Variants in AVL9 observed in about 807,000 individuals in gnomAD.
AVL9 encodes the protein late secretory pathway protein AVL9 homolog.
A neutral mutation model predicts 79.2 loss-of-function variants in AVL9; 49 were observed. That is an observed-to-expected ratio of 0.62 (90% CI 0.49 to 0.79). AVL9 has a LOEUF of 0.79. Ranked by LOEUF, AVL9 falls within the 30% of genes least tolerant of loss-of-function variation. The probability of loss-of-function intolerance (pLI) is 0.00; values close to 1 mark genes in which losing one functional copy is unlikely to be tolerated. For missense variants in AVL9, 682 were observed against 776.8 expected (o/e 0.88, Z 1.45); for synonymous variants, 299 against 280.6 (o/e 1.07, Z -0.65).
At chr7:32,551,824 A>G (rs923430013) in intron 5 of AVL9, among the ~76,000 whole-genome samples, 1 of 152,044 alleles carries the variant, frequency 6.6e-6, no homozygotes, top group African/African-American at 2.4e-5. Flanking sequence ...TTGAAAATGG[A>G]CAGCATGTTT....
chr7:32,570,218 A>C, intron 11 of AVL9, 64 bp downstream of exon 11: 1 of 1,583,458 alleles, frequency 6.3e-7, no homozygotes, highest in Non-Finnish European at 8.7e-7. Context: ...TCTTAACTAC[A>C]ATTATGAATA....
chr7:32,562,813 T>G (rs1410795169), intron 10 of AVL9: 1 of 158,790 alleles, frequency 6.3e-6, no homozygotes, highest in Non-Finnish European at 1.4e-5. Flanking sequence ...TCACCGCTAC[T>G]TGGGAGGCTG....
Position 32,548,151 on chromosome 7 carries a change from C to CTTTTGTTTTCTTTTTGT in AVL9, c.301-692_301-691insGTTTTCTTTTTGTTTTT, listed in dbSNP as rs71559236. 2.3e-5 allele frequency among the ~76,000 whole-genome samples: 3 copies of CTTTTGTTTTCTTTTTGT among 131,596 alleles called. 1 individual carries two copies. The highest frequency in any genetic ancestry group is 3.1e-5 in the African/African-American group (1 of 32,614). 86.3% of individuals were successfully genotyped at this position (131,596 alleles called of 152,430 possible). A position where few individuals can be genotyped will look rare whatever the true frequency, so the allele number is the denominator to read the frequency against. ...TGTCTGTTTTTGTCATCTCTTTTTT[C>CTTTTGTTTTCTTTTTGT]TTTTTTTTTTTTTTGAGACGGAGTC... On this transcript the variant is annotated intron_variant, in intron 3 of 15. Coordinates refer to ENST00000318709, the MANE Select transcript of AVL9 (RefSeq NM_015060.3).
Position 32,570,145 on chromosome 7 carries a change from C to T in AVL9, c.1341C>T (p.Ala447=). The T allele has an allele frequency of 6.2e-7, 1 of 1,614,158 alleles. No homozygotes were observed. The change falls in exon 11 of 16, where the codon GCC becomes GCT. Residue 447 remains alanine, a synonymous_variant. Transcript: ENST00000318709. ...GACAACAGAAACACCTCAGTGATGC[C>T]ATTGTGGAAGTACGTTTATGTGTGA... is the stretch of plus-strand genomic sequence containing the variant. ...LFRQQKHLSD[A]IVEVEEALIQ...
At chr7:32,576,174 A>G (rs1353316057) in intron 13 of AVL9, 102 bp downstream of exon 13, 1 of 808,938 alleles carries the variant, frequency 1.2e-6, no homozygotes, top group Non-Finnish European at 2.0e-6. Flanking sequence ...GAATATCCTC[A>G]AGAATCCCCT....
At chr7:32,508,335 G>A (rs1787503843) in intron 1 of AVL9, among the ~76,000 whole-genome samples, 1 of 152,092 alleles carries the variant, frequency 6.6e-6, no homozygotes, top group African/African-American at 2.4e-5. Flanking sequence ...GATCAGTGTT[G>A]TCTAATAAAA....
chr7:32,570,461 C>G (rs1790779883), intron 11 of AVL9, among the ~76,000 whole-genome samples: 2 of 152,150 alleles, frequency 1.3e-5, no homozygotes, highest in South Asian at 4.1e-4. Flanking sequence ...GGGCCTACCA[C>G]TACCTCATGA....
At chr7:32,542,268 A>C (rs931084577) in intron 1 of AVL9, among the ~76,000 whole-genome samples, 1 of 150,222 alleles carries the variant, frequency 6.7e-6, no homozygotes, top group Non-Finnish European at 1.5e-5. Context: ...GGCCGGGCAC[A>C]GTGCCTCATG....
At chr7:32,518,627 T>G (rs1429618792) in intron 1 of AVL9, among the ~76,000 whole-genome samples, 2 of 151,890 alleles carry the variant, frequency 1.3e-5, no homozygotes, top group Non-Finnish European at 2.9e-5. Context: ...AAAAGAAAAA[T>G]ATGTGAGAAA....
intron 13 of AVL9, among the ~76,000 whole-genome samples, chr7:32,579,515 T>C (rs1356426058): frequency 2.5e-4 from 1 of 4,008 alleles, no homozygotes; most frequent in Non-Finnish European, 4.0e-4. Flanking sequence ...TTATATATTA[T>C]ATTATATATT....
At chr7:32,511,003 A>G (rs1173445959) in intron 1 of AVL9, among the ~76,000 whole-genome samples, 4 of 139,052 alleles carry the variant, frequency 2.9e-5, no homozygotes, top group Non-Finnish European at 6.3e-5. Flanking sequence ...CTGCCCCGGT[A>G]TGAGGGAAAC....
At position 32,559,289 on chromosome 7, in the gene AVL9, G is replaced by A; in HGVS notation, c.1040G>A (p.Arg347Lys). ...SVLEDPNLKE[R>K]EQLGSDQTNL... ...TTAGAGGACCCCAACTTGAAAGAAAGGGAACAGCTGGGATCAGACCAGACA... is the reference window on the plus strand; with the variant it reads ...TTAGAGGACCCCAACTTGAAAGAAAAGGAACAGCTGGGATCAGACCAGACA... The change falls in exon 10 of 16, where the codon AGG becomes AAG. Residue 347 changes from arginine (R) to lysine (K), a missense_variant. Physicochemically the swap from Arg to Lys is conservative, Grantham distance 26 (BLOSUM62 2). Transcript: ENST00000318709. 1 of 1,614,152 alleles carries A rather than the reference G, an allele frequency of 6.2e-7. No individual in the cohort carries two copies. Among genetic ancestry groups the A allele is most frequent in the Non-Finnish European group, 8.5e-7 (1 of 1,180,012 alleles).
At chr7:32,557,859 T>TG (rs1318464808) in intron 8 of AVL9, among the ~76,000 whole-genome samples, 4,876 of 81,252 alleles carry the variant, frequency 0.06, 249 homozygotes, top group African/African-American at 0.15. Context: ...TACTCTTTTT[T>TG]TTTTTTTTTT....
At chr7:32,558,840 A>C in intron 9 of AVL9, 89 bp from the exon 10 acceptor site, 3 of 1,237,006 alleles carry the variant, frequency 2.4e-6, no homozygotes, top group Non-Finnish European at 2.2e-6. Context: ...TAGCTTATTA[A>C]ATTTTATAGG....
At chr7:32,543,301 G>T in intron 2 of AVL9, 40 bp downstream of exon 2, 3 of 1,597,536 alleles carry the variant, frequency 1.9e-6, no homozygotes, top group Non-Finnish European at 2.6e-6. Flanking sequence ...TGCCATTTTT[G>T]AAAAAATTTG....
chr7:32,563,000 G>C (rs1048858151), intron 10 of AVL9, among the ~76,000 whole-genome samples: 1 of 152,084 alleles, frequency 6.6e-6, no homozygotes, highest in Non-Finnish European at 1.5e-5. Context: ...TGCATATAAC[G>C]TGTGCACATC....
chr7:32,541,111 C>T (rs1365859804), intron 1 of AVL9, among the ~76,000 whole-genome samples: 6 of 151,622 alleles, frequency 4.0e-5, no homozygotes, highest in South Asian at 4.2e-4. Flanking sequence ...CCGTTTTAGC[C>T]GGGATGGTCT....
intron 1 of AVL9, among the ~76,000 whole-genome samples, chr7:32,514,774 G>A (rs1040153958): frequency 7.2e-5 from 11 of 152,058 alleles, no homozygotes; most frequent in African/African-American, 2.4e-4. Context: ...CCCTTTGACC[G>A]TAATTTTCCT....
rs751996535 is a variant in AVL9 at position 32,554,554 on chromosome 7, G to A, written c.571-4G>A. 3 of 1,469,956 alleles carry A rather than the reference G, an allele frequency of 2.0e-6. No individual in the cohort carries two copies. In the East Asian group the frequency reaches 7.6e-5, roughly 37 times the overall value. 91.1% of individuals were successfully genotyped at this position (1,469,956 alleles called of 1,614,324 possible). ...CAATACAACATTTTTTTTTCCTTTT[G>A]CAGGTCTTAATCCTATTTAAGCTAA... is the stretch of plus-strand genomic sequence containing the variant. On this transcript the variant is annotated splice_region_variant and splice_polypyrimidine_tract_variant and intron_variant, in intron 7 of 15. Coordinates refer to ENST00000318709, the MANE Select transcript of AVL9 (RefSeq NM_015060.3).
Sources: allele counts gnomAD v4.1 joint callset (sites outside exome capture counted in the v4.1 genomes callset), GRCh38; gene constraint gnomAD v4.1.1; transcripts MANE v1.5; gene names NCBI Gene and HGNC (gene_info 2026-07-23, HGNC 2026-07-21).